The following AOX1 variants were observed in gnomAD, a reference collection of about 807,000 sequenced individuals.
AOX1 encodes the protein aldehyde oxidase.
AOX1 carries 153 observed loss-of-function variants against 169.5 expected under a neutral mutation model. The ratio of observed to expected loss-of-function variants is 0.90; its 90% CI spans 0.79 to 1.03. The LOEUF is 1.03. Among genes scored for constraint, AOX1 ranks in the 50% least tolerant of loss-of-function variants. The pLI is 0.00. For synonymous variants in AOX1, 562 were observed against 581.9 expected (o/e 0.97, Z 0.49); for missense variants, 1,656 against 1,663.9 (o/e 1.00, Z 0.08).
In AOX1 at chr2:200,612,761, T is replaced by C. The variant is rs1235784878; in HGVS notation, c.1416T>C (p.Cys472=). The C allele has an allele frequency of 6.2e-7, 1 of 1,613,854 alleles. No individual in the cohort carries two copies. Among genetic ancestry groups the C allele is most frequent in the African/African-American group, 1.3e-5 (1 of 74,908 alleles). The change falls in exon 14 of 35, where the codon TGT becomes TGC. Residue 472 remains cysteine, a synonymous_variant. Coordinates refer to ENST00000374700, the MANE Select transcript of AOX1 (RefSeq NM_001159.4). ...GAGGCGTTGGTCCAGCCACCATCTGTGCCAAGAATTCCTGCCAGAAACTCA... is the reference window on the plus strand; with the variant it reads ...GAGGCGTTGGTCCAGCCACCATCTGCGCCAAGAATTCCTGCCAGAAACTCA... The part of the protein sequence containing the change: ...SYGGVGPATI[C]AKNSCQKLIG...
At chr2:200,659,935 T>C in intron 28 of AOX1, 60 bp from the exon 29 acceptor site, 3 of 1,336,282 alleles carry the variant, frequency 2.2e-6, no homozygotes, top group Non-Finnish European at 3.2e-6. Flanking sequence ...ATTATGTTGT[T>C]TTGAATTTGG....
intron 20 of AOX1, among the ~76,000 whole-genome samples, chr2:200,629,200 A>C (rs1356828073): frequency 1.3e-5 from 2 of 152,118 alleles, no homozygotes; most frequent in Non-Finnish European, 2.9e-5. Context: ...ACTGTCACCT[A>C]CCAGTTTTCC....
At chr2:200,603,661 G>A (rs948207086) in intron 7 of AOX1, among the ~76,000 whole-genome samples, 2 of 152,148 alleles carry the variant, frequency 1.3e-5, no homozygotes, top group Admixed American at 6.5e-5. Context: ...GAAGTAAAGT[G>A]GAGATGTCAT....
chr2:200,586,333 A>G (rs1032307551), intron 1 of AOX1, among the ~76,000 whole-genome samples, 180 bp downstream of exon 1: 1 of 152,166 alleles, frequency 6.6e-6, no homozygotes, highest in East Asian at 1.9e-4. Context: ...CGGGGCAGCT[A>G]AAGGCTGCGT....
Position 200,649,475 on chromosome 2 carries a change from G to A in AOX1, c.2848-1499G>A, listed in dbSNP as rs145970057. Among the ~76,000 whole-genome samples the A allele has an allele frequency of 2.6e-5, 4 of 152,292 alleles. No homozygotes were observed. In the East Asian group the frequency reaches 7.7e-4, roughly 29 times the overall value. On this transcript the variant is annotated intron_variant, in intron 25 of 34. Coordinates refer to ENST00000374700, the MANE Select transcript of AOX1 (RefSeq NM_001159.4). ...GGGGTATCTCCTGGGTCCTGCAGGA[G>A]TAGTCCACTTCCTTCAGAGGGTTTG...
rs373271043 is a variant in AOX1, at chr2:200,659,786, T to TCTCACACA, written c.3301-208_3301-207insTCACACAC. ...TGGCTTACAAGGCCAGTTCTCTCTC[T>TCTCACACA]CACACACACACACACACACACACAC... is the stretch of plus-strand genomic sequence containing the variant. On this transcript the variant is annotated intron_variant, in intron 28 of 34. Transcript: ENST00000374700. 2.3e-3 allele frequency among the ~76,000 whole-genome samples: 217 copies of TCTCACACA among 96,206 alleles called. 1 individual carries two copies. Among genetic ancestry groups the TCTCACACA allele is most frequent in the African/African-American group, 7.8e-3 (209 of 26,852 alleles). The allele number at this position is 96,206 out of a possible 152,430, so 63.1% of individuals were successfully genotyped here. A position where few individuals can be genotyped will look rare whatever the true frequency, so the allele number is the denominator to read the frequency against.
chr2:200,656,456 T>C (rs1318209695), intron 26 of AOX1, among the ~76,000 whole-genome samples: 1 of 152,204 alleles, frequency 6.6e-6, no homozygotes, highest in African/African-American at 2.4e-5. Context: ...ACTCCAAAGC[T>C]CTGTAGTTCT....
At chr2:200,615,377 C>G (rs2105714663) in intron 15 of AOX1, among the ~76,000 whole-genome samples, 1 of 152,070 alleles carries the variant, frequency 6.6e-6, no homozygotes, top group East Asian at 1.9e-4. Flanking sequence ...AAAGCCTTTC[C>G]CCCCATCCAG....
chr2:200,651,035 C>T lies in AOX1; in HGVS notation c.2909C>T (p.Ala970Val), dbSNP rs2035570016. 2 of 1,614,200 alleles carry T rather than the reference C, an allele frequency of 1.2e-6. No individual in the cohort carries two copies. The highest frequency in any genetic ancestry group is 1.3e-5 in the African/African-American group (1 of 75,050). The change falls in exon 26 of 35, where the codon GCC becomes GTC. Residue 970 changes from alanine (A) to valine (V), a missense_variant. By Grantham distance (64) the Ala-to-Val change is moderately conservative (BLOSUM62 0). Coordinates refer to ENST00000374700, the MANE Select transcript of AOX1 (RefSeq NM_001159.4). ...DQTPYKQEIN[A>V]KNLIQCWREC... ...ACACCCTACAAACAAGAGATCAATG[C>T]CAAGAACCTAATCCAGTGTTGGAGA...
intron 27 of AOX1, among the ~76,000 whole-genome samples, chr2:200,657,659 AATTGCT>A (rs2035721777): frequency 6.6e-6 from 1 of 152,178 alleles, no homozygotes; most frequent in Non-Finnish European, 1.5e-5. Context: ...GGCTCCGAAC[AATTGCT>A]AATATAAATC....
intron 15 of AOX1, among the ~76,000 whole-genome samples, chr2:200,615,579 TTGACTC>T (rs1322580811): frequency 6.6e-6 from 1 of 152,240 alleles, no homozygotes; most frequent in Non-Finnish European, 1.5e-5. Context: ...ATGGTGTACT[TTGACTC>T]TGATGTTTTC....
At chr2:200,611,333 T>G in intron 12 of AOX1, 51 bp from the exon 13 acceptor site, 1 of 1,342,340 alleles carries the variant, frequency 7.4e-7, no homozygotes, top group Non-Finnish European at 1.1e-6. Flanking sequence ...TTTTGGAAGT[T>G]TATTTAACAG....
intron 22 of AOX1, chr2:200,637,984 C>G (rs2035270747): frequency 7.2e-6 from 3 of 417,716 alleles, no homozygotes; most frequent in Admixed American, 3.4e-5. Context: ...GCCCCTGGCA[C>G]CCAAGAGCCT....
intron 1 of AOX1, among the ~76,000 whole-genome samples, chr2:200,592,458 AAG>A (rs1458089135): frequency 6.6e-6 from 1 of 152,218 alleles, no homozygotes; most frequent in African/African-American, 2.4e-5. Context: ...TTTGTGAAAA[AAG>A]AGAAAACATG....
At chr2:200,675,066 A>AT (rs1373589132), downstream of AOX1, among the ~76,000 whole-genome samples, 1 of 152,188 alleles carries the variant, frequency 6.6e-6, no homozygotes, top group Non-Finnish European at 1.5e-5. Flanking sequence ...ATCAGACGCT[A>AT]TCCTGCTTGG....
downstream of AOX1, among the ~76,000 whole-genome samples, chr2:200,675,071 G>A (rs1559266453): frequency 2.6e-5 from 4 of 152,184 alleles, no homozygotes; most frequent in African/African-American, 7.2e-5. Flanking sequence ...ACGCTATCCT[G>A]CTTGGAACAG....
chr2:200,647,726 T>G (rs1198431162), intron 25 of AOX1, among the ~76,000 whole-genome samples: 1 of 152,224 alleles, frequency 6.6e-6, no homozygotes, highest in African/African-American at 2.4e-5. Flanking sequence ...CACTGATTAT[T>G]CTTAAGTTTG....
chr2:200,669,837 G>C, intron 34 of AOX1, 95 bp downstream of exon 34: 1 of 1,335,856 alleles, frequency 7.5e-7, no homozygotes, highest in Non-Finnish European at 1.0e-6. Flanking sequence ...CACTGCTGTG[G>C]CTTTTCTTGC....
chr2:200,669,780 A>G, intron 34 of AOX1, 38 bp downstream of exon 34: 1 of 1,598,740 alleles, frequency 6.3e-7, no homozygotes, highest in Non-Finnish European at 8.5e-7. Flanking sequence ...GTGATCATAA[A>G]ATTCTGAATT....
Sources: gnomAD v4.1 joint callset for allele counts (sites outside exome capture counted in the v4.1 genomes callset) on GRCh38, gnomAD v4.1.1 for gene constraint, MANE v1.5 for transcripts, NCBI Gene and HGNC (gene_info 2026-07-23, HGNC 2026-07-21) for gene names.